The following GRXCR2 variants were observed in gnomAD, a reference collection of about 807,000 sequenced individuals.
GRXCR2 encodes glutaredoxin domain-containing cysteine-rich protein 2.
GRXCR2 carries 23 observed loss-of-function variants against 24.8 expected under a neutral mutation model. That is an observed-to-expected ratio of 0.93 (90% CI 0.67 to 1.32). The LOEUF is 1.32. Ranked by LOEUF, GRXCR2 falls within the 40% of genes most tolerant of loss-of-function variation. The pLI is 0.00. For missense variants in GRXCR2, 315 were observed against 303.4 expected, an observed-to-expected ratio of 1.04 and a Z score of -0.28; for synonymous variants, 130 against 116.1, an observed-to-expected ratio of 1.12 and a Z score of -0.77.
At chr5:145,889,216 G>GAAAGAAAT (rs1756825759) in intron 2 of GRXCR2, among the ~76,000 whole-genome samples, 1 of 150,440 alleles carries the variant, frequency 6.6e-6, no homozygotes, top group Non-Finnish European at 1.5e-5. Flanking sequence ...AAGAAAGAAA[G>GAAAGAAAT]AAAGAAAGAA....
chr5:145,866,572 C>A lies in GRXCR2; in HGVS notation c.493G>T (p.Gly165Ter). The change falls in exon 2 of 3, where the codon GGA (glycine) becomes TGA (stop). Residue 165 changes from glycine to a stop codon, truncating the protein, a stop_gained. Transcript: ENST00000377976. LOFTEE classifies it high-confidence loss of function. ...ESLMNKEESY[G>*]GRDQHDRPLV... is the part of the protein sequence containing the mutation. ...GGTCTATCGTGCTGGTCCCTGCCTCCATAGCTTTCTTCTTTGTTCATCAGA... is the reference window on the plus strand; with the variant it reads ...GGTCTATCGTGCTGGTCCCTGCCTCAATAGCTTTCTTCTTTGTTCATCAGA... 6.2e-7 allele frequency: 1 copy of A among 1,614,182 alleles called. No individual in the cohort carries two copies. The highest frequency in any genetic ancestry group is 2.2e-5 in the East Asian group (1 of 44,884).
intron 2 of GRXCR2, among the ~76,000 whole-genome samples, chr5:145,898,687 T>C (rs1390915016): frequency 2.6e-5 from 4 of 152,032 alleles, no homozygotes; most frequent in African/African-American, 9.7e-5. Flanking sequence ...AACCATATTA[T>C]CTCAATAGAC....
chr5:145,896,834 C>T lies in GRXCR2; in HGVS notation c.-69-30106G>A, dbSNP rs796850465. ...ATGCTGCTATAAAGACACATGCACA[C>T]GTATGTTTATTGCGGCACTATTCAC... On this transcript the variant is annotated intron_variant, in intron 2 of 3. Transcript: ENST00000639411. 3.9e-5 allele frequency among the ~76,000 whole-genome samples: 6 copies of T among 152,056 alleles called. No homozygotes were observed. In the South Asian group the frequency reaches 6.2e-4, roughly 16 times the overall value.
chr5:145,866,761 A>G (rs1315195087), intron 1 of GRXCR2, 33 bp from the exon 2 acceptor site: 2 of 1,345,938 alleles, frequency 1.5e-6, no homozygotes, highest in East Asian at 2.3e-5. Context: ...TGGAAACTTT[A>G]CCACCAATCA....
intron 2 of GRXCR2, among the ~76,000 whole-genome samples, chr5:145,917,577 A>G (rs1025634485): frequency 6.6e-6 from 1 of 152,170 alleles, no homozygotes; most frequent in African/African-American, 2.4e-5. Context: ...AGAAGTTCAC[A>G]GCCTGGAAGA....
intron 1 of GRXCR2, among the ~76,000 whole-genome samples, chr5:145,870,655 T>C (rs934462357): frequency 2.2e-4 from 34 of 152,180 alleles, no homozygotes; most frequent in Non-Finnish European, 4.4e-4. Context: ...TACATTTGGA[T>C]TCGTTATTGA....
rs139847108 is a variant in GRXCR2 at position 145,859,871 on chromosome 5, C to G, written c.609G>C (p.Ser203=). Residue 203 remains serine, a synonymous_variant, in exon 3 of 3, where the codon TCG becomes TCC. Coordinates refer to ENST00000377976, the MANE Select transcript of GRXCR2 (RefSeq NM_001080516.2). ...GGCACAGAGAGCAGGTGGCACTGCCCGACCCTCGGCAGTGAAAACAGCTGT... is the reference window on the plus strand; with the variant it reads ...GGCACAGAGAGCAGGTGGCACTGCCGGACCCTCGGCAGTGAAAACAGCTGT... The part of the protein sequence containing the change: ...PEDSCFHCRG[S]GSATCSLCHG... 19 of 1,603,828 alleles carry G rather than the reference C, an allele frequency of 1.2e-5. 1 individual carries two copies. Among genetic ancestry groups the G allele is most frequent in the Middle Eastern group, 1.7e-4 (1 of 5,982 alleles).
intron 2 of GRXCR2, 72 bp downstream of exon 2, chr5:145,866,429 A>AC (rs1756436485): frequency 1.9e-6 from 2 of 1,047,416 alleles, no homozygotes; most frequent in African/African-American, 3.2e-5. Flanking sequence ...TAAGCAGTGC[A>AC]CAATCAAGCC....
intron 2 of GRXCR2, among the ~76,000 whole-genome samples, chr5:145,881,773 T>C (rs1407627308): frequency 6.6e-6 from 1 of 152,168 alleles, no homozygotes; most frequent in African/African-American, 2.4e-5. Flanking sequence ...CAAACTATAC[T>C]ACAAGGCTGC....
In GRXCR2 at chr5:145,859,772, A is replaced by G. The variant is rs1267850366; in HGVS notation, c.708T>C (p.Asn236=). 1.9e-6 allele frequency: 3 copies of G among 1,614,050 alleles called. No homozygotes were observed. Among genetic ancestry groups the G allele is most frequent in the Non-Finnish European group, 2.5e-6 (3 of 1,179,978 alleles). The change falls in exon 3 of 3, where the codon AAT becomes AAC. Residue 236 remains asparagine, a synonymous_variant. Coordinates refer to ENST00000377976, the MANE Select transcript of GRXCR2 (RefSeq NM_001080516.2). ...TCTGGCAAGGCTGTAGGCCATTCTC[A>G]TTGCAGGCAGGGCACCTCAGGGCCC... is the stretch of plus-strand genomic sequence containing the variant. ...SYRALRCPAC[N]ENGLQPCQIC...
At chr5:145,894,007 A>G (rs1205668137) in intron 2 of GRXCR2, among the ~76,000 whole-genome samples, 5 of 152,252 alleles carry the variant, frequency 3.3e-5, no homozygotes, top group African/African-American at 1.2e-4. Context: ...CTACATGGAA[A>G]CTGAACAATC....
intron 1 of GRXCR2, among the ~76,000 whole-genome samples, chr5:145,871,948 C>A (rs1756537424): frequency 6.6e-6 from 1 of 152,172 alleles, no homozygotes; most frequent in Non-Finnish European, 1.5e-5. Flanking sequence ...CAGGTTCTAC[C>A]TTAAAAGAAA....
chr5:145,914,487 C>T (rs1204228699), intron 2 of GRXCR2, among the ~76,000 whole-genome samples: 1 of 151,798 alleles, frequency 6.6e-6, no homozygotes, highest in Non-Finnish European at 1.5e-5. Context: ...ACCAGCCTGA[C>T]CAACATGGTG....
At chr5:145,884,068 G>A (rs1756742288) in intron 2 of GRXCR2, among the ~76,000 whole-genome samples, 1 of 152,196 alleles carries the variant, frequency 6.6e-6, no homozygotes, top group Non-Finnish European at 1.5e-5. Context: ...TTGATGGTGA[G>A]AGGGGTGCTA....
At chr5:145,861,796 T>G (rs910671644) in intron 2 of GRXCR2, among the ~76,000 whole-genome samples, 1 of 152,192 alleles carries the variant, frequency 6.6e-6, no homozygotes, top group East Asian at 1.9e-4. Flanking sequence ...TTCAGCTTTC[T>G]TTTATAACCT....
chr5:145,894,637 G>C (rs888682943), intron 2 of GRXCR2, among the ~76,000 whole-genome samples: 6 of 152,142 alleles, frequency 3.9e-5, no homozygotes, highest in African/African-American at 1.4e-4. Flanking sequence ...TGAGGCAATA[G>C]TTAATAGCTT....
At chr5:145,914,396 C>T (rs577026944) in intron 2 of GRXCR2, among the ~76,000 whole-genome samples, 16 of 151,982 alleles carry the variant, frequency 1.1e-4, no homozygotes, top group Admixed American at 5.2e-4. Context: ...ACAAATCTGG[C>T]GAGGCATGGT....
At chr5:145,888,708 A>C (rs1336631012) in intron 2 of GRXCR2, among the ~76,000 whole-genome samples, 1 of 152,222 alleles carries the variant, frequency 6.6e-6, no homozygotes, top group Admixed American at 6.5e-5. Context: ...TAAATCTAGA[A>C]TATGTCCTTC....
At chr5:145,868,715 C>A (rs1756475294) in intron 1 of GRXCR2, among the ~76,000 whole-genome samples, 1 of 152,140 alleles carries the variant, frequency 6.6e-6, no homozygotes, top group Non-Finnish European at 1.5e-5. Context: ...TCTGAGATCA[C>A]CTACTCCAAA....
Sources: allele counts gnomAD v4.1 joint callset (sites outside exome capture counted in the v4.1 genomes callset), GRCh38; gene constraint gnomAD v4.1.1; transcripts MANE v1.5; gene names NCBI Gene and HGNC (gene_info 2026-07-23, HGNC 2026-07-21).